Variants in MNDA observed in about 807,000 individuals in gnomAD.
MNDA encodes epididymis secretory sperm binding protein.
Under a neutral mutation model 37.8 loss-of-function variants are expected in MNDA, and 43 were observed. The observed-to-expected ratio is 1.14, with a 90% CI of 0.89 to 1.47. The LOEUF (loss-of-function observed/expected upper bound fraction) is 1.47. Among genes scored for constraint, MNDA ranks in the 40% most tolerant of loss-of-function variants. MNDA has a pLI of 0.00. For missense variants in MNDA, 536 were observed against 476.0 expected (o/e 1.13, Z -1.17); for synonymous variants, 181 against 169.0 (o/e 1.07, Z -0.55).
Position 158,835,298 on chromosome 1 carries a change from C to T in MNDA, c.-21+3741C>T, listed in dbSNP as rs150508359. The stretch of plus-strand genomic sequence containing the variant: ...ACATTTGTGCCTTCTTTAATTCCTT[C>T]AAAGTGTTGTATAATTTACCACCTT... On this transcript the variant is annotated intron_variant, in intron 1 of 6. Transcript: ENST00000368141. Among the ~76,000 whole-genome samples the T allele has an allele frequency of 2.6e-5, 4 of 152,254 alleles. No homozygotes were observed. The East Asian group carries it at 7.7e-4, about 29-fold the overall frequency.
At chr1:158,843,516 A>G (rs911139623) in intron 3 of MNDA, 101 bp downstream of exon 3, 3 of 1,221,194 alleles carry the variant, frequency 2.5e-6, no homozygotes, top group Non-Finnish European at 3.3e-6. Context: ...AGATTTACCA[A>G]ATTAGTAATT....
intron 5 of MNDA, 57 bp downstream of exon 5, chr1:158,846,060 A>C (rs747694802): frequency 6.2e-6 from 9 of 1,445,246 alleles, no homozygotes; most frequent in Middle Eastern, 2.2e-4. Context: ...TAAATGTCTT[A>C]ATTTGCCAGA....
At position 158,845,691 on chromosome 1, in the gene MNDA, C is replaced by T. The variant is rs1659119694; in HGVS notation, c.675C>T (p.Tyr225=). 1 of 1,614,094 alleles carries T rather than the reference C, an allele frequency of 6.2e-7. No homozygotes were observed. The highest frequency in any genetic ancestry group is 8.5e-7 in the Non-Finnish European group (1 of 1,180,010). ...VVLKATAPFK[Y]ESPENGKSTM... is the part of the protein sequence containing the mutation. ...TGAAAGCAACAGCGCCATTTAAATA[C>T]GAGTCCCCAGAAAATGGGAAAAGCA... is the stretch of plus-strand genomic sequence containing the variant. The change falls in exon 5 of 7, where the codon TAC becomes TAT. Residue 225 remains tyrosine (Y), a synonymous_variant. Transcript: ENST00000368141.
chr1:158,842,594 T>C, intron 2 of MNDA, 176 bp downstream of exon 2: 1 of 568,272 alleles, frequency 1.8e-6, no homozygotes, highest in Non-Finnish European at 3.1e-6. Context: ...CTGTTTCATA[T>C]GAAAGAGATT....
intron 1 of MNDA, among the ~76,000 whole-genome samples, chr1:158,837,551 A>C (rs1658943515): frequency 6.6e-6 from 1 of 151,738 alleles, no homozygotes; most frequent in African/African-American, 2.4e-5. Context: ...TTTCAATGGA[A>C]TATCTCTTTT....
intron 1 of MNDA, among the ~76,000 whole-genome samples, chr1:158,836,069 G>A (rs998123192): frequency 6.6e-6 from 1 of 151,588 alleles, no homozygotes; most frequent in Non-Finnish European, 1.5e-5. Flanking sequence ...TGCATTCCAG[G>A]GATAAACCTT....
chr1:158,839,011 T>C (rs1658977662), intron 1 of MNDA, among the ~76,000 whole-genome samples: 1 of 152,204 alleles, frequency 6.6e-6, no homozygotes, highest in South Asian at 2.1e-4. Flanking sequence ...CCTATTTTCC[T>C]TTAACTCATT....
In MNDA at chr1:158,849,256, C is replaced by G; in HGVS notation, c.*19C>G. ...TAATTGAAATATGAAAGCTGAAATG[C>G]AACAAACAACTTCCGCTTAAAACAA... On this transcript the variant is annotated 3_prime_UTR_variant, in exon 7 of 7. Coordinates refer to ENST00000368141, the MANE Select transcript of MNDA (RefSeq NM_002432.3). 6.2e-7 allele frequency: 1 copy of G among 1,604,672 alleles called. No homozygotes were observed. The highest frequency in any genetic ancestry group is 8.5e-7 in the Non-Finnish European group (1 of 1,174,456).
chr1:158,833,528 T>A (rs1658847111), intron 1 of MNDA, among the ~76,000 whole-genome samples: 1 of 152,172 alleles, frequency 6.6e-6, no homozygotes, highest in Non-Finnish European at 1.5e-5. Flanking sequence ...CTACCTTCTT[T>A]CCCCATAAAT....
chr1:158,836,252 G>A (rs541515954), intron 1 of MNDA, among the ~76,000 whole-genome samples: 1 of 151,908 alleles, frequency 6.6e-6, no homozygotes, highest in African/African-American at 2.4e-5. Context: ...CAATGAGTTT[G>A]GAAGTGTTCC....
At position 158,844,104 on chromosome 1, in the gene MNDA, C is replaced by T. The variant is rs896424441; in HGVS notation, c.552C>T (p.Ser184=). ...CCCAGACCTCATCATCAACTCCATC[C>T]AACACTTCGTTTACTCCGGTACACT... is the stretch of plus-strand genomic sequence containing the variant. ...PLPQTSSSTP[S]NTSFTPNQET... is the part of the protein sequence containing the mutation. The change falls in exon 4 of 7, where the codon TCC becomes TCT. Residue 184 remains serine (S), a synonymous_variant. Coordinates refer to ENST00000368141, the MANE Select transcript of MNDA (RefSeq NM_002432.3). 21 of 1,586,830 alleles carry T rather than the reference C, an allele frequency of 1.3e-5. No homozygotes were observed. The highest frequency in any genetic ancestry group is 1.6e-5 in the Non-Finnish European group (19 of 1,168,578).
At chr1:158,845,499 C>G (rs1571659925) in intron 4 of MNDA, 88 bp from the exon 5 acceptor site, 1 of 1,372,680 alleles carries the variant, frequency 7.3e-7, no homozygotes, top group East Asian at 2.4e-5. Flanking sequence ...CTCGGCTTCC[C>G]AAAGTGCTAG....
rs2102053968 is a variant in MNDA, at chr1:158,849,490, T to A, written c.*253T>A. 1 of 417,046 alleles carries A rather than the reference T, an allele frequency of 2.4e-6. No homozygotes were observed. The highest frequency in any genetic ancestry group is 2.1e-5 in the African/African-American group (1 of 48,154). The allele number at this position is 417,046 out of a possible 1,614,324, so 25.8% of individuals were successfully genotyped here. A position where few individuals can be genotyped will look rare whatever the true frequency, so the allele number is the denominator to read the frequency against. The stretch of plus-strand genomic sequence containing the variant: ...TTCACGAGGCAAAAAATAAAATATC[T>A]TTTTTTGAAGGACATTATTTTCCCA... On this transcript the variant is annotated 3_prime_UTR_variant, in exon 7 of 7. Transcript: ENST00000368141.
At chr1:158,842,650 G>A in intron 2 of MNDA, 1 of 355,038 alleles carries the variant, frequency 2.8e-6, no homozygotes, top group Non-Finnish European at 5.1e-6. Flanking sequence ...AAAAACCAAA[G>A]ACAGGGATTT....
intron 3 of MNDA, 81 bp downstream of exon 3, chr1:158,843,496 A>C: frequency 2.2e-3 from 2,855 of 1,297,188 alleles, no homozygotes; most frequent in Non-Finnish European, 2.7e-3. Context: ...CTAATATCTC[A>C]ACACAGCTTA....
chr1:158,842,331 G>C lies in MNDA; in HGVS notation c.178G>C (p.Ala60Pro). 1 of 1,614,142 alleles carries C rather than the reference G, an allele frequency of 6.2e-7. No homozygotes were observed. Among genetic ancestry groups the C allele is most frequent in the Non-Finnish European group, 8.5e-7 (1 of 1,179,998 alleles). ...GATGGAAAAAAAGTTCCAAGGCGTT[G>C]CCTGTCTAGACAAACTAATAGAACT... ...DLMEKKFQGV[A>P]CLDKLIELAK... Residue 60 changes from alanine (A) to proline (P), a missense_variant, in exon 2 of 7, where the codon GCC (alanine) becomes CCC (proline). Coordinates refer to ENST00000368141, the MANE Select transcript of MNDA (RefSeq NM_002432.3).
Position 158,847,768 on chromosome 1 carries a change from A to G in MNDA, c.1028A>G (p.Asp343Gly). The G allele has an allele frequency of 6.2e-7, 1 of 1,613,932 alleles. No individual in the cohort carries two copies. Among genetic ancestry groups the G allele is most frequent in the Non-Finnish European group, 8.5e-7 (1 of 1,179,858 alleles). ...AAGAACACAATTTATGAAATACAGG[A>G]TAATACAGGATCCATGGATGTAGTG... The part of the protein sequence containing the change: ...HKKNTIYEIQ[D>G]NTGSMDVVGS... Residue 343 changes from aspartate (D) to glycine (G), a missense_variant, in exon 6 of 7, where the codon GAT (aspartate) becomes GGT (glycine). By Grantham distance (94) the Asp-to-Gly change is moderately conservative. Coordinates refer to ENST00000368141, the MANE Select transcript of MNDA (RefSeq NM_002432.3).
chr1:158,847,936 G>C lies in MNDA; in HGVS notation c.1176+20G>C, dbSNP rs374633718. On this transcript the variant is annotated intron_variant, in intron 6 of 6. Transcript: ENST00000368141. ...ATCAAGGTGGGAACTGGATAGAGGA[G>C]AATGAGTTTGCTAAAGAGGCAAATA... 1 of 1,592,264 alleles carries C rather than the reference G, an allele frequency of 6.3e-7. No individual in the cohort carries two copies. Among genetic ancestry groups the C allele is most frequent in the Admixed American group, 1.8e-5 (1 of 57,108 alleles).
Position 158,847,904 on chromosome 1 carries a change from C to T in MNDA, c.1164C>T (p.His388=). 1 of 1,613,498 alleles carries T rather than the reference C, an allele frequency of 6.2e-7. No homozygotes were observed. The highest frequency in any genetic ancestry group is 8.5e-7 in the Non-Finnish European group (1 of 1,179,656). Residue 388 remains histidine (H), a synonymous_variant, in exon 6 of 7, where the codon CAC becomes CAT. Transcript: ENST00000368141. The part of the protein sequence containing the change: ...DRKLKLVCGS[H]SFIKVIKAKK... ...AGCTGAAACTGGTGTGTGGAAGTCA[C>T]AGCTTCATCAAGGTGGGAACTGGAT...
Sources: allele counts gnomAD v4.1 joint callset (sites outside exome capture counted in the v4.1 genomes callset), GRCh38; gene constraint gnomAD v4.1.1; transcripts MANE v1.5; gene names NCBI Gene and HGNC (gene_info 2026-07-23, HGNC 2026-07-21).